SPATA13: variants seen among roughly 807,000 people sequenced by gnomAD.
The protein encoded by SPATA13 is spermatogenesis-associated protein 13.
A neutral mutation model predicts 104.0 loss-of-function variants in SPATA13; 50 were observed. The ratio of observed to expected loss-of-function variants is 0.48; its 90% CI spans 0.38 to 0.61. The LOEUF (loss-of-function observed/expected upper bound fraction) is 0.61, where lower values mean the gene tolerates loss of function less well. SPATA13 is among the 20% of genes least tolerant of loss of function. The probability of loss-of-function intolerance (pLI) is 0.00; values close to 1 mark genes in which losing one functional copy is unlikely to be tolerated. For missense variants in SPATA13, 1,524 were observed against 1,690.6 expected (o/e 0.90, Z 1.73); for synonymous variants, 606 against 667.5 (o/e 0.91, Z 1.42).
intron 3 of SPATA13, among the ~76,000 whole-genome samples, chr13:24,154,056 A>G (rs1300678324): frequency 6.6e-6 from 1 of 152,216 alleles, no homozygotes; most frequent in Non-Finnish European, 1.5e-5. Flanking sequence ...ACCAAGTTTT[A>G]GTGAAGGTGG....
At chr13:24,256,732 G>T (rs1351973494) in intron 4 of SPATA13, among the ~76,000 whole-genome samples, 3 of 152,210 alleles carry the variant, frequency 2.0e-5, no homozygotes, top group African/African-American at 7.2e-5. Flanking sequence ...GCCTGCGAAG[G>T]CAGGTCATGT....
At chr13:24,007,452 G>C (rs879891831) in intron 2 of SPATA13, among the ~76,000 whole-genome samples, 3 of 152,150 alleles carry the variant, frequency 2.0e-5, no homozygotes, top group Non-Finnish European at 4.4e-5. Context: ...TGCAAGGCTT[G>C]GGGCTTTTTC....
At chr13:24,038,079 T>G (rs938745393) in intron 3 of SPATA13, among the ~76,000 whole-genome samples, 1 of 151,732 alleles carries the variant, frequency 6.6e-6, no homozygotes, top group African/African-American at 2.4e-5. Context: ...GCCCAGCTAA[T>G]TTTTTGTATT....
At chr13:24,110,193 A>G (rs1424704553) in intron 3 of SPATA13, among the ~76,000 whole-genome samples, 1 of 151,874 alleles carries the variant, frequency 6.6e-6, no homozygotes, top group Non-Finnish European at 1.5e-5. Context: ...TGGAGCACAC[A>G]GAATCAATGC....
chr13:24,282,897 C>T (rs1051073345), intron 4 of SPATA13, among the ~76,000 whole-genome samples: 1 of 152,264 alleles, frequency 6.6e-6, no homozygotes, highest in Non-Finnish European at 1.5e-5. Context: ...TCAGACGAGA[C>T]TCTGTGACCC....
chr13:23,992,360 G>C (rs1235854141), intron 2 of SPATA13, among the ~76,000 whole-genome samples: 2 of 152,216 alleles, frequency 1.3e-5, no homozygotes, highest in African/African-American at 4.8e-5. Flanking sequence ...GTATTAGTTA[G>C]GGTGATACTA....
At chr13:24,160,980 G>A (rs1340377844) in intron 1 of SPATA13, 48 bp downstream of exon 1, 2 of 963,938 alleles carry the variant, frequency 2.1e-6, no homozygotes, top group African/African-American at 1.8e-5. Context: ...CGCGGGCATG[G>A]GCTGTTAGGT....
chr13:24,177,921 A>G (rs148570955), intron 1 of SPATA13, among the ~76,000 whole-genome samples: 31 of 152,014 alleles, frequency 2.0e-4, no homozygotes, highest in East Asian at 1.9e-3. Flanking sequence ...TGGTGGTACA[A>G]TCATGGCTCA....
At chr13:24,103,624 A>T (rs1177734272) in intron 3 of SPATA13, among the ~76,000 whole-genome samples, 1 of 152,150 alleles carries the variant, frequency 6.6e-6, no homozygotes, top group African/African-American at 2.4e-5. Flanking sequence ...TATAGCTTGT[A>T]TAACTGTCTA....
chr13:24,157,507 A>G (rs1882297067), upstream of SPATA13, among the ~76,000 whole-genome samples: 3 of 152,068 alleles, frequency 2.0e-5, no homozygotes, highest in African/African-American at 4.8e-5. Flanking sequence ...TCACCGTGTT[A>G]GCCAGGATGG....
At position 24,029,122 on chromosome 13, in the gene SPATA13, C is replaced by G. The variant is rs76902741; in HGVS notation, c.-112+11421C>G. Among the ~76,000 whole-genome samples the G allele has an allele frequency of 8.9e-3, 1,360 of 152,230 alleles. 23 individuals are homozygous for G. Among genetic ancestry groups the G allele is most frequent in the East Asian group, 0.077 (398 of 5,184 alleles). ...AGTTTTTGTTAGTAACGGGGTCTCA[C>G]TGTGTTGTCCAAGCTGAACTTAAAC... On this transcript the variant is annotated intron_variant, in intron 3 of 14. Transcript: ENST00000424834.
chr13:24,111,476 C>T (rs751389818), intron 3 of SPATA13, among the ~76,000 whole-genome samples: 6 of 150,034 alleles, frequency 4.0e-5, no homozygotes, highest in East Asian at 2.0e-4. Flanking sequence ...GGTGCAATCA[C>T]GGCTCACTGC....
At chr13:24,013,333 C>T (rs974954070) in intron 2 of SPATA13, among the ~76,000 whole-genome samples, 1 of 152,194 alleles carries the variant, frequency 6.6e-6, no homozygotes, top group African/African-American at 2.4e-5. Context: ...CCGTTCCTCC[C>T]CTCCCTCACC....
intron 4 of SPATA13, among the ~76,000 whole-genome samples, chr13:24,264,202 C>T (rs753600720): frequency 7.9e-5 from 12 of 152,092 alleles, no homozygotes; most frequent in Non-Finnish European, 1.5e-4. Context: ...TCTCAGTTCT[C>T]AACAGCTAGA....
rs76024945 is a variant in SPATA13 at position 24,122,884 on chromosome 13, C to A, written c.-111-99935C>A. On this transcript the variant is annotated intron_variant, in intron 3 of 14. Transcript: ENST00000424834. ...TGCTGTTGTAAAACAGTAGGAACGA[C>A]CTGTAAGCAGATTCCCTCGAGCTGT... The A allele has an allele frequency of 1.6e-3, 1,223 of 774,256 alleles. 9 individuals carry two copies. The highest frequency in any genetic ancestry group is 0.016 in the African/African-American group (920 of 59,130). The allele number at this position is 774,256 out of a possible 1,614,324, so 48.0% of individuals were successfully genotyped here.
At chr13:24,194,018 C>T (rs2138556972) in intron 1 of SPATA13, among the ~76,000 whole-genome samples, 1 of 152,304 alleles carries the variant, frequency 6.6e-6, no homozygotes, top group Non-Finnish European at 1.5e-5. Context: ...CCTTCTCAAC[C>T]ATTCAAGTTC....
chr13:24,248,629 G>A (rs1873297433), intron 2 of SPATA13, among the ~76,000 whole-genome samples: 2 of 152,150 alleles, frequency 1.3e-5, no homozygotes. Flanking sequence ...TCCTCGTTCA[G>A]TGCTCGCCCC....
intron 3 of SPATA13, among the ~76,000 whole-genome samples, chr13:24,026,006 T>C (rs1452714739): frequency 6.6e-6 from 1 of 152,156 alleles, no homozygotes; most frequent in East Asian, 1.9e-4. Context: ...GGTTTCACCA[T>C]GTTGGTCTGG....
intron 3 of SPATA13, among the ~76,000 whole-genome samples, chr13:24,068,648 G>C (rs1304851296): frequency 1.3e-5 from 2 of 152,134 alleles, no homozygotes; most frequent in African/African-American, 4.8e-5. Flanking sequence ...ACCAGCATCT[G>C]TTATTTTTGG....
Sources: gnomAD v4.1 joint callset for allele counts (sites outside exome capture counted in the v4.1 genomes callset) on GRCh38, gnomAD v4.1.1 for gene constraint, MANE v1.5 for transcripts, NCBI Gene and HGNC (gene_info 2026-07-23, HGNC 2026-07-21) for gene names.